Variants in ERICH1 observed in about 807,000 individuals in gnomAD.
ERICH1 encodes glutamate rich 1.
In ERICH1, 56 loss-of-function variants were observed where a neutral mutation model predicts 39.6. The observed-to-expected ratio is 1.41, with a 90% CI of 1.14 to 1.77. The LOEUF (loss-of-function observed/expected upper bound fraction) is 1.77, where lower values mean the gene tolerates loss of function less well. Ranked by LOEUF, ERICH1 falls within the 40% of genes most tolerant of loss-of-function variation. ERICH1 has a pLI of 0.00. For missense variants in ERICH1, 826 were observed against 575.4 expected (o/e 1.44, Z -4.45); for synonymous variants, 313 against 223.6 (o/e 1.40, Z -3.57).
intron 1 of ERICH1, among the ~76,000 whole-genome samples, chr8:730,799 C>G (rs1243700115): frequency 1.3e-5 from 2 of 152,248 alleles, no homozygotes; most frequent in Admixed American, 6.5e-5. Context: ...TAGGACCCCT[C>G]TGAAGAGCTG....
intron 2 of ERICH1, among the ~76,000 whole-genome samples, chr8:694,388 A>T (rs942483099): frequency 6.6e-6 from 1 of 152,244 alleles, no homozygotes; most frequent in African/African-American, 2.4e-5. Flanking sequence ...TTAATCAGCT[A>T]AATCTTTCTT....
Position 715,922 on chromosome 8 carries a change from T to G in ERICH1, c.108A>C (p.Gln36His). The G allele has an allele frequency of 6.2e-7, 1 of 1,614,036 alleles. No homozygotes were observed. The highest frequency in any genetic ancestry group is 8.5e-7 in the Non-Finnish European group (1 of 1,179,964). Residue 36 changes from glutamine to histidine, a missense_variant, in exon 2 of 6, where the codon CAA becomes CAC. Physicochemically the swap from Gln to His is conservative, Grantham distance 24. Coordinates refer to ENST00000262109, the MANE Select transcript of ERICH1 (RefSeq NM_207332.3). ...GKREPQTLAV[Q>H]NPPKKVTSEK... Reference sequence around the variant, plus strand: ...CAGAGGTCACTTTCTTTGGTGGATTTTGGACGGCCAGCGTCTGGGGTTCCC... The same window carrying G: ...CAGAGGTCACTTTCTTTGGTGGATTGTGGACGGCCAGCGTCTGGGGTTCCC...
At chr8:677,994 T>G (rs1316360684) in intron 3 of ERICH1, among the ~76,000 whole-genome samples, 2 of 152,206 alleles carry the variant, frequency 1.3e-5, no homozygotes, top group Non-Finnish European at 2.9e-5. Flanking sequence ...GTTGCCCTGT[T>G]GAGATCGACT....
intron 3 of ERICH1, among the ~76,000 whole-genome samples, chr8:687,554 C>G (rs1017240862): frequency 6.6e-6 from 1 of 152,156 alleles, no homozygotes; most frequent in Non-Finnish European, 1.5e-5. Flanking sequence ...AGGGGAGAGG[C>G]GGGAACCCGT....
chr8:690,093 G>C (rs1808569709), intron 3 of ERICH1, among the ~76,000 whole-genome samples: 1 of 152,182 alleles, frequency 6.6e-6, no homozygotes, highest in South Asian at 2.1e-4. Context: ...ACGTCAACAA[G>C]AGGAGGAGTA....
intron 3 of ERICH1, among the ~76,000 whole-genome samples, chr8:657,672 G>A (rs1320105086): frequency 6.6e-6 from 1 of 151,572 alleles, no homozygotes; most frequent in Non-Finnish European, 1.5e-5. Context: ...CATCTGCGTG[G>A]GTTTCAGCTG....
chr8:730,697 T>C (rs989941624), intron 1 of ERICH1, among the ~76,000 whole-genome samples: 1 of 152,228 alleles, frequency 6.6e-6, no homozygotes, highest in African/African-American at 2.4e-5. Flanking sequence ...CCTCCGTCTC[T>C]CAGATGAGGA....
chr8:664,256 G>C lies in ERICH1; in HGVS notation c.*347C>G. 4 of 1,003,226 alleles carry C rather than the reference G, an allele frequency of 4.0e-6. No individual in the cohort carries two copies. The highest frequency in any genetic ancestry group is 4.8e-6 in the Non-Finnish European group (4 of 841,918). The allele number at this position is 1,003,226 out of a possible 1,614,324, so 62.1% of individuals were successfully genotyped here. On this transcript the variant is annotated 3_prime_UTR_variant, in exon 6 of 6. Transcript: ENST00000262109. The stretch of plus-strand genomic sequence containing the variant: ...AGCATTCTTAAAGCAGAGACTTTCA[G>C]ATACAAGGTGATTCAAAACTTCATA...
At chr8:673,018 C>G (rs973970597) in intron 4 of ERICH1, among the ~76,000 whole-genome samples, 8 of 152,264 alleles carry the variant, frequency 5.3e-5, no homozygotes, top group Admixed American at 1.3e-4. Flanking sequence ...CTTGGCACAG[C>G]TGGCCAGGGC....
chr8:634,183 AAAAC>A (rs1554481908), intron 3 of ERICH1, among the ~76,000 whole-genome samples: 1 of 135,808 alleles, frequency 7.4e-6, no homozygotes, highest in Non-Finnish European at 1.5e-5. Flanking sequence ...AAAAAAAAAA[AAAAC>A]AAACAAAAAA....
intron 3 of ERICH1, among the ~76,000 whole-genome samples, chr8:650,805 G>A (rs1391232140): frequency 1.3e-5 from 2 of 152,228 alleles, no homozygotes; most frequent in African/African-American, 4.8e-5. Context: ...TAAAGCCAGA[G>A]CAAGGGGCTG....
intron 2 of ERICH1, among the ~76,000 whole-genome samples, chr8:708,771 G>T (rs187638084): frequency 4.5e-4 from 62 of 138,442 alleles, no homozygotes; most frequent in Non-Finnish European, 6.0e-5. Flanking sequence ...TTGGCTCACT[G>T]AAGTCTTGTC....
At chr8:700,286 CACAGGCCCGG>C (rs200280967) in intron 2 of ERICH1, among the ~76,000 whole-genome samples, 11 of 95,580 alleles carry the variant, frequency 1.2e-4, no homozygotes, top group East Asian at 3.0e-4. Flanking sequence ...CACAGACCCG[CACAGGCCCGG>C]ACACGCGCAC....
intron 2 of ERICH1, among the ~76,000 whole-genome samples, chr8:708,371 C>T (rs1412657546): frequency 1.3e-5 from 2 of 152,088 alleles, no homozygotes; most frequent in African/African-American, 2.4e-5. Flanking sequence ...ATGTTACTGA[C>T]AATAGCTAAA....
intron 3 of ERICH1, among the ~76,000 whole-genome samples, chr8:654,092 C>G (rs1173707395): frequency 6.6e-6 from 1 of 152,086 alleles, no homozygotes; most frequent in Non-Finnish European, 1.5e-5. Context: ...GGTTTGGGAA[C>G]TCTACATTTT....
intron 2 of ERICH1, among the ~76,000 whole-genome samples, chr8:705,766 A>G (rs1009897271): frequency 6.6e-6 from 1 of 152,354 alleles, no homozygotes; most frequent in South Asian, 2.1e-4. Flanking sequence ...CACAAAGGAA[A>G]AAGTAAAACT....
At chr8:704,071 G>C (rs182455824) in intron 2 of ERICH1, among the ~76,000 whole-genome samples, 1 of 152,230 alleles carries the variant, frequency 6.6e-6, no homozygotes, top group African/African-American at 2.4e-5. Flanking sequence ...CAGCGACACT[G>C]GATGTTAAAG....
chr8:726,063 GCA>G (rs1379319732), intron 1 of ERICH1, among the ~76,000 whole-genome samples: 1 of 152,182 alleles, frequency 6.6e-6, no homozygotes, highest in African/African-American at 2.4e-5. Flanking sequence ...GTCCAGTTCT[GCA>G]CACAGTCCCA....
chr8:711,623 G>C (rs536547978), intron 2 of ERICH1, among the ~76,000 whole-genome samples: 4 of 151,704 alleles, frequency 2.6e-5, no homozygotes, highest in Admixed American at 6.6e-5. Flanking sequence ...TCAGCCTACC[G>C]AGTGGCTGGG....
Sources: allele counts gnomAD v4.1 joint callset (sites outside exome capture counted in the v4.1 genomes callset), GRCh38; gene constraint gnomAD v4.1.1; transcripts MANE v1.5; gene names NCBI Gene and HGNC (gene_info 2026-07-23, HGNC 2026-07-21).